The following ABTB3 variants were observed in gnomAD, a reference collection of about 807,000 sequenced individuals.
The protein encoded by ABTB3 is ankyrin repeat- and BTB/POZ domain-containing protein 3.
At chr12:107,495,981 C>T in the ABTB3 span, among the ~76,000 whole-genome samples, 3 of 152,168 alleles carry the variant, frequency 2.0e-5, no homozygotes, top group Non-Finnish European at 4.4e-5. Flanking sequence ...GATGATGTCT[C>T]AGTCCCCTCA....
the ABTB3 span, chr12:107,651,817 A>C: frequency 6.3e-7 from 1 of 1,578,340 alleles, no homozygotes; most frequent in South Asian, 1.1e-5. Flanking sequence ...CGCAGTGCGC[A>C]CACAGGAGCG....
the ABTB3 span, among the ~76,000 whole-genome samples, chr12:107,399,647 G>A: frequency 1.3e-5 from 2 of 152,072 alleles, no homozygotes; most frequent in African/African-American, 2.4e-5. Context: ...TCCAGCACTG[G>A]CCCACATGCT....
the ABTB3 span, among the ~76,000 whole-genome samples, chr12:107,404,276 T>A: frequency 6.0e-5 from 9 of 150,466 alleles, no homozygotes; most frequent in Non-Finnish European, 8.9e-5. Flanking sequence ...GAAAACAGAG[T>A]TGATAGCAAC....
At chr12:107,649,339 C>A in the ABTB3 span, 1 of 1,449,218 alleles carries the variant, frequency 6.9e-7, no homozygotes, top group Non-Finnish European at 9.7e-7. Flanking sequence ...TCTGTAAACT[C>A]GGGTCACCAG....
the ABTB3 span, among the ~76,000 whole-genome samples, chr12:107,513,422 T>C: frequency 6.6e-6 from 1 of 152,118 alleles, no homozygotes. Context: ...TGAAAGTGAG[T>C]GAGTCCTCAC....
the ABTB3 span, among the ~76,000 whole-genome samples, chr12:107,372,299 G>A: frequency 2.0e-5 from 3 of 152,266 alleles, no homozygotes; most frequent in East Asian, 5.8e-4. Context: ...ATGAATGAAA[G>A]CCAAGCAACA....
the ABTB3 span, among the ~76,000 whole-genome samples, chr12:107,572,846 C>T: frequency 2.0e-5 from 3 of 152,138 alleles, no homozygotes; most frequent in Non-Finnish European, 4.4e-5. Flanking sequence ...TATTTTTGCT[C>T]GCTCTGCCTA....
chr12:107,565,217 G>A, the ABTB3 span, among the ~76,000 whole-genome samples: 3 of 152,316 alleles, frequency 2.0e-5, no homozygotes, highest in Non-Finnish European at 1.5e-5. Flanking sequence ...GCACTTTGTG[G>A]TATTGCTGTG....
the ABTB3 span, among the ~76,000 whole-genome samples, chr12:107,639,856 T>C: frequency 2.0e-5 from 3 of 152,208 alleles, no homozygotes; most frequent in Non-Finnish European, 4.4e-5. Flanking sequence ...TTCTTTATTC[T>C]AGAAAATGAG....
chr12:107,477,536 T>C, the ABTB3 span, among the ~76,000 whole-genome samples: 1 of 152,214 alleles, frequency 6.6e-6, no homozygotes, highest in African/African-American at 2.4e-5. Context: ...TTAGAGTGAA[T>C]GCTATCGGTA....
chr12:107,509,783 G>T, the ABTB3 span, among the ~76,000 whole-genome samples: 1 of 152,156 alleles, frequency 6.6e-6, no homozygotes, highest in Non-Finnish European at 1.5e-5. Flanking sequence ...TCTTAAAAGG[G>T]GTTTCCAGGC....
At chr12:107,483,019 TCC>T in the ABTB3 span, among the ~76,000 whole-genome samples, 1 of 147,852 alleles carries the variant, frequency 6.8e-6, no homozygotes, top group African/African-American at 2.6e-5. Context: ...TTTCCTTCTT[TCC>T]TTCTTTCTTT....
the ABTB3 span, among the ~76,000 whole-genome samples, chr12:107,459,574 G>C: frequency 1.3e-5 from 2 of 152,214 alleles, no homozygotes; most frequent in African/African-American, 4.8e-5. Context: ...GTGATTTTGA[G>C]GAGAGCCCTG....
chr12:107,438,614 C>T, the ABTB3 span, among the ~76,000 whole-genome samples: 2 of 152,206 alleles, frequency 1.3e-5, no homozygotes, highest in Non-Finnish European at 2.9e-5. Flanking sequence ...CATCTTCCGG[C>T]AGATAAAAGA....
chr12:107,398,669 G>A, the ABTB3 span, among the ~76,000 whole-genome samples: 1 of 152,022 alleles, frequency 6.6e-6, no homozygotes, highest in Non-Finnish European at 1.5e-5. Context: ...AGCACATGAA[G>A]CAGCAATTTA....
At chr12:107,319,043 T>G in the ABTB3 span, 9 of 1,613,708 alleles carry the variant, frequency 5.6e-6, 1 homozygote, top group South Asian at 9.9e-5. Context: ...CTCCAACTTG[T>G]CTTTGTGCTG....
the ABTB3 span, among the ~76,000 whole-genome samples, chr12:107,413,329 C>A: frequency 6.6e-6 from 1 of 152,162 alleles, no homozygotes; most frequent in South Asian, 2.1e-4. Flanking sequence ...TAATCCATGA[C>A]GACTAAGATG....
At chr12:107,397,457 A>G in the ABTB3 span, among the ~76,000 whole-genome samples, 12 of 151,408 alleles carry the variant, frequency 7.9e-5, no homozygotes, top group African/African-American at 2.9e-4. Flanking sequence ...ATTTTTTTCT[A>G]TTGGATTGCT....
the ABTB3 span, among the ~76,000 whole-genome samples, chr12:107,482,988 C>CTTT: frequency 0.054 from 594 of 11,052 alleles, 24 homozygotes; most frequent in East Asian, 0.15. Flanking sequence ...TTCTTTCTTT[C>CTTT]CTTCCTTCCT....
Sources: allele counts gnomAD v4.1 joint callset (sites outside exome capture counted in the v4.1 genomes callset), GRCh38; gene constraint gnomAD v4.1.1; transcripts MANE v1.5; gene names NCBI Gene and HGNC (gene_info 2026-07-23, HGNC 2026-07-21).